Variants in LCLAT1 observed in about 807,000 individuals in gnomAD.
The protein encoded by LCLAT1 is lysocardiolipin acyltransferase 1, also known as 1-AGP acyltransferase 8.
Under a neutral mutation model 30.7 loss-of-function variants are expected in LCLAT1, and 11 were observed. That is an observed-to-expected ratio of 0.36 (90% CI 0.23 to 0.59). The LOEUF is 0.59. Ranked by LOEUF, LCLAT1 falls within the 20% of genes least tolerant of loss-of-function variation. The probability of loss-of-function intolerance (pLI) is 0.77; values close to 1 mark genes in which losing one functional copy is unlikely to be tolerated. For missense variants in LCLAT1, 402 were observed against 458.6 expected (o/e 0.88, Z 1.13); for synonymous variants, 155 against 151.3 (o/e 1.02, Z -0.18).
At chr2:30,550,047 T>A (rs1664611329) in intron 3 of LCLAT1, among the ~76,000 whole-genome samples, 1 of 152,184 alleles carries the variant, frequency 6.6e-6, no homozygotes, top group South Asian at 2.1e-4. Flanking sequence ...TAATATGGTA[T>A]AGTAAGCGAA....
intron 1 of LCLAT1, among the ~76,000 whole-genome samples, chr2:30,472,357 T>A (rs1450180557): frequency 2.0e-5 from 3 of 152,198 alleles, no homozygotes; most frequent in African/African-American, 7.2e-5. Context: ...GTCACTGGCT[T>A]GTAAAACTGG....
intron 5 of LCLAT1, among the ~76,000 whole-genome samples, chr2:30,624,693 C>T (rs1448805541): frequency 6.6e-6 from 1 of 152,114 alleles, no homozygotes. Flanking sequence ...CTCCACTGAC[C>T]AGACTAGACA....
intron 1 of LCLAT1, among the ~76,000 whole-genome samples, chr2:30,510,541 T>G (rs1224198745): frequency 1.3e-5 from 2 of 152,224 alleles, no homozygotes; most frequent in Non-Finnish European, 2.9e-5. Flanking sequence ...TAAGTTACAG[T>G]GGTATTCCTT....
chr2:30,461,187 C>T (rs1214702302), intron 1 of LCLAT1, among the ~76,000 whole-genome samples: 2 of 152,130 alleles, frequency 1.3e-5, no homozygotes, highest in African/African-American at 4.8e-5. Flanking sequence ...TGTTGGAAAC[C>T]TTGCTCTTTA....
chr2:30,477,429 A>G (rs1683103599), intron 1 of LCLAT1, among the ~76,000 whole-genome samples: 1 of 152,054 alleles, frequency 6.6e-6, no homozygotes. Flanking sequence ...AGAAAGGAAT[A>G]TTATATTGTG....
At chr2:30,507,572 C>G (rs983713189) in intron 1 of LCLAT1, among the ~76,000 whole-genome samples, 2 of 152,168 alleles carry the variant, frequency 1.3e-5, no homozygotes, top group Non-Finnish European at 2.9e-5. Context: ...ATTTGGATTT[C>G]TGTTCCTGCG....
intron 5 of LCLAT1, among the ~76,000 whole-genome samples, chr2:30,632,397 G>C (rs1391346001): frequency 2.0e-5 from 3 of 152,198 alleles, no homozygotes; most frequent in Admixed American, 6.5e-5. Context: ...AGTAGGGATG[G>C]AGAGGAATAT....
chr2:30,550,667 G>A (rs1664638567), intron 3 of LCLAT1, among the ~76,000 whole-genome samples: 1 of 152,066 alleles, frequency 6.6e-6, no homozygotes, highest in African/African-American at 2.4e-5. Context: ...TAGTTAAGGT[G>A]GTATCTGTCA....
chr2:30,523,267 G>GT (rs11325119), intron 1 of LCLAT1, among the ~76,000 whole-genome samples: 96 of 145,978 alleles, frequency 6.6e-4, no homozygotes, highest in East Asian at 1.0e-3. Context: ...ATGTTCGTAG[G>GT]TTTTTTTTTT....
At chr2:30,499,008 A>T (rs1162709135) in intron 1 of LCLAT1, among the ~76,000 whole-genome samples, 1 of 152,216 alleles carries the variant, frequency 6.6e-6, no homozygotes, top group Non-Finnish European at 1.5e-5. Context: ...CTTAGCAGTA[A>T]GGAAAATAAA....
chr2:30,455,875 A>G (rs1030939541), intron 1 of LCLAT1, among the ~76,000 whole-genome samples: 1 of 141,054 alleles, frequency 7.1e-6, no homozygotes, highest in Admixed American at 7.8e-5. Context: ...ATGCCACTCA[A>G]CTCCAGCCTG....
intron 4 of LCLAT1, 64 bp downstream of exon 4, chr2:30,562,356 G>A: frequency 7.6e-7 from 1 of 1,312,520 alleles, no homozygotes; most frequent in Middle Eastern, 1.9e-4. Context: ...TTTCTCAGAT[G>A]AAGTAACTGA....
At chr2:30,543,101 A>G (rs1213441933) in intron 3 of LCLAT1, among the ~76,000 whole-genome samples, 1 of 151,842 alleles carries the variant, frequency 6.6e-6, no homozygotes, top group East Asian at 1.9e-4. Flanking sequence ...CTAACTGTAG[A>G]TTTTTCACAG....
chr2:30,452,541 A>C (rs1475854855), intron 1 of LCLAT1, among the ~76,000 whole-genome samples: 1 of 152,234 alleles, frequency 6.6e-6, no homozygotes, highest in Non-Finnish European at 1.5e-5. Context: ...GAATTAATGC[A>C]CAGTTGCAAA....
intron 5 of LCLAT1, among the ~76,000 whole-genome samples, chr2:30,636,976 C>A (rs905875259): frequency 2.6e-5 from 4 of 152,098 alleles, no homozygotes; most frequent in African/African-American, 9.7e-5. Context: ...GACCTGTAAT[C>A]CTGATTGAGG....
chr2:30,557,283 CGTGTGTGTGTGTGTGTGTGTGT>C (rs373793652), intron 3 of LCLAT1, among the ~76,000 whole-genome samples: 42 of 138,648 alleles, frequency 3.0e-4, no homozygotes, highest in African/African-American at 1.0e-3. Flanking sequence ...AAGGTATGAT[CGTGTGTGTGTGTGTGTGTGTGT>C]GTGTGTGTGT....
chr2:30,568,786 C>T (rs1406672600), intron 5 of LCLAT1, among the ~76,000 whole-genome samples: 1 of 140,828 alleles, frequency 7.1e-6, no homozygotes, highest in African/African-American at 2.6e-5. Context: ...GAATTACAGG[C>T]GTGAGCCACG....
intron 1 of LCLAT1, among the ~76,000 whole-genome samples, chr2:30,502,102 C>A (rs1449231920): frequency 2.0e-5 from 3 of 152,166 alleles, no homozygotes; most frequent in Admixed American, 1.3e-4. Flanking sequence ...GAGGAAAAAA[C>A]CAGTCTCACT....
intron 1 of LCLAT1, among the ~76,000 whole-genome samples, chr2:30,499,329 C>T (rs778910888): frequency 3.3e-5 from 5 of 152,078 alleles, no homozygotes; most frequent in African/African-American, 7.2e-5. Context: ...TACAGGTGCC[C>T]GCCATCACGC....
Sources: allele counts gnomAD v4.1 joint callset (sites outside exome capture counted in the v4.1 genomes callset), GRCh38; gene constraint gnomAD v4.1.1; transcripts MANE v1.5; gene names NCBI Gene and HGNC (gene_info 2026-07-23, HGNC 2026-07-21).